Variants in MAGI1 observed in about 807,000 individuals in gnomAD.
MAGI1 encodes membrane associated guanylate kinase, WW and PDZ domain containing 1, also known as membrane-associated guanylate kinase, WW and PDZ domain-containing protein 1.
A neutral mutation model predicts 139.9 loss-of-function variants in MAGI1; 58 were observed. The observed-to-expected ratio is 0.41, with a 90% CI of 0.34 to 0.52. The LOEUF is 0.52. Among genes scored for constraint, MAGI1 ranks in the 20% least tolerant of loss-of-function variants. MAGI1 has a pLI of 0.12. For synonymous variants in MAGI1, 812 were observed against 737.9 expected, an observed-to-expected ratio of 1.10 and a Z score of -1.63; for missense variants, 1,874 against 1,901.6, an observed-to-expected ratio of 0.99 and a Z score of 0.27.
chr3:65,893,119 C>T (rs1041693388), intron 1 of MAGI1, among the ~76,000 whole-genome samples: 12 of 152,154 alleles, frequency 7.9e-5, no homozygotes, highest in Non-Finnish European at 1.8e-4. Flanking sequence ...TGGTAAAAGG[C>T]TACAGTGCAG....
intron 12 of MAGI1, among the ~76,000 whole-genome samples, chr3:65,425,125 A>C (rs910114000): frequency 1.2e-4 from 7 of 56,972 alleles, no homozygotes; most frequent in Admixed American, 7.0e-4. Flanking sequence ...AAAAAAAAAA[A>C]AAAAAAACAA....
intron 1 of MAGI1, among the ~76,000 whole-genome samples, chr3:65,697,132 G>T (rs1576780369): frequency 6.6e-6 from 1 of 152,060 alleles, no homozygotes; most frequent in Non-Finnish European, 1.5e-5. Context: ...AGAAGAAATG[G>T]ATAAATTCCT....
chr3:65,500,830 G>A (rs1035766897), intron 2 of MAGI1, among the ~76,000 whole-genome samples: 7 of 152,192 alleles, frequency 4.6e-5, no homozygotes, highest in African/African-American at 1.7e-4. Flanking sequence ...GGTCCTGCTT[G>A]TCAAAATCTA....
At chr3:65,545,909 T>A (rs2079475013) in intron 2 of MAGI1, among the ~76,000 whole-genome samples, 1 of 151,564 alleles carries the variant, frequency 6.6e-6, no homozygotes, top group African/African-American at 2.4e-5. Context: ...AAGACCAAAC[T>A]CAGGGGAACC....
intron 1 of MAGI1, among the ~76,000 whole-genome samples, chr3:65,775,463 A>AATT (rs1553705202): frequency 8.9e-6 from 1 of 112,890 alleles, no homozygotes; most frequent in Non-Finnish European, 1.7e-5. Flanking sequence ...AAAAAAAAAA[A>AATT]TTTTTTTAAG....
intron 1 of MAGI1, among the ~76,000 whole-genome samples, chr3:65,628,312 C>G (rs758711920): frequency 3.3e-5 from 5 of 152,034 alleles, no homozygotes; most frequent in Non-Finnish European, 7.4e-5. Flanking sequence ...TCGGAGGACT[C>G]GTTATATAGT....
Position 65,484,214 on chromosome 3 carries a change from A to T in MAGI1, c.551-5416T>A, listed in dbSNP as rs114968935. Among the ~76,000 whole-genome samples the T allele has an allele frequency of 3.1e-3, 479 of 152,326 alleles. 4 individuals are homozygous for T. The highest frequency in any genetic ancestry group is 4.4e-3 in the Non-Finnish European group (299 of 68,036). On this transcript the variant is annotated intron_variant, in intron 3 of 22. Coordinates refer to ENST00000402939, the MANE Select transcript of MAGI1 (RefSeq NM_001033057.2). ...TTTGTGTAGCAAAGCCATTTGGGAC[A>T]GAGAAAATCATTCCTCTTTTGCAGA...
chr3:65,670,078 G>A (rs142895666), intron 1 of MAGI1, among the ~76,000 whole-genome samples: 2 of 152,162 alleles, frequency 1.3e-5, no homozygotes, highest in African/African-American at 4.8e-5. Flanking sequence ...TTTGATATTT[G>A]TTCTTGTTTC....
At chr3:66,024,259 CT>C (rs1158524266) in intron 1 of MAGI1, among the ~76,000 whole-genome samples, 1 of 148,058 alleles carries the variant, frequency 6.8e-6, no homozygotes, top group Admixed American at 6.8e-5. Context: ...TTGGTTCACC[CT>C]TTTTTTAAAA....
chr3:65,371,889 T>C (rs1942038163), intron 18 of MAGI1: 1 of 446,360 alleles, frequency 2.2e-6, no homozygotes, highest in Non-Finnish European at 4.5e-6. Context: ...CCACTTCCAA[T>C]TCTACTTCTC....
rs377571342 is a variant in MAGI1 at position 65,873,104 on chromosome 3, T to C, written c.313+164892A>G. 10 of 152,310 alleles carry C rather than the reference T, an allele frequency of 6.6e-5. No homozygotes were observed. In the East Asian group the frequency reaches 1.4e-3, roughly 21 times the overall value. 9.4% of individuals were successfully genotyped at this position (152,310 alleles called of 1,614,324 possible). A position where few individuals can be genotyped will look rare whatever the true frequency, so the allele number is the denominator to read the frequency against. On this transcript the variant is annotated intron_variant, in intron 1 of 22. Transcript: ENST00000402939. The stretch of plus-strand genomic sequence containing the variant: ...AGGTAATAAAAATAATCAGAATCCA[T>C]TTCACTGCAGAAGTTTCCAAGGTTC...
chr3:65,844,023 C>A, intron 1 of MAGI1: 1 of 353,882 alleles, frequency 2.8e-6, no homozygotes, highest in South Asian at 2.4e-5. Context: ...ATGAAAGCCA[C>A]CAAGTATCTA....
chr3:65,612,313 C>T (rs1576478734), intron 2 of MAGI1, among the ~76,000 whole-genome samples: 1 of 151,996 alleles, frequency 6.6e-6, no homozygotes, highest in Non-Finnish European at 1.5e-5. Context: ...TGGTTACTAA[C>T]GTTTTAACCT....
chr3:65,726,676 G>A (rs1290814217), intron 1 of MAGI1, among the ~76,000 whole-genome samples: 1 of 152,088 alleles, frequency 6.6e-6, no homozygotes, highest in East Asian at 1.9e-4. Context: ...CCATCCACAA[G>A]TGTGCTATAA....
At chr3:65,436,691 T>A (rs1947880316) in intron 10 of MAGI1, among the ~76,000 whole-genome samples, 1 of 152,130 alleles carries the variant, frequency 6.6e-6, no homozygotes, top group Admixed American at 6.6e-5. Flanking sequence ...ATATCTGTGG[T>A]CTCTAAGTCA....
chr3:65,768,842 T>A (rs1289301384), intron 1 of MAGI1, among the ~76,000 whole-genome samples: 2 of 152,140 alleles, frequency 1.3e-5, no homozygotes, highest in Non-Finnish European at 2.9e-5. Context: ...ATGTGAAAAA[T>A]GTGTTTAAGA....
Position 65,909,818 on chromosome 3 carries a change from C to T in MAGI1, c.313+128178G>A, listed in dbSNP as rs376622724. On this transcript the variant is annotated intron_variant, in intron 1 of 22. Transcript: ENST00000402939. ...CAGATAGTATCTACACCAGCGATCA[C>T]TAACCTTTTTGGCACCATGGACCGG... Among the ~76,000 whole-genome samples the T allele has an allele frequency of 5.9e-5, 9 of 152,302 alleles. 1 individual carries two copies. Among genetic ancestry groups the T allele is most frequent in the African/African-American group, 1.9e-4 (8 of 41,568 alleles).
chr3:65,563,204 T>C (rs1396623258), intron 2 of MAGI1, among the ~76,000 whole-genome samples: 2 of 152,204 alleles, frequency 1.3e-5, no homozygotes, highest in Non-Finnish European at 2.9e-5. Flanking sequence ...TTACATTTCA[T>C]TGGTTTATAT....
At chr3:65,731,866 C>T (rs1472409323) in intron 1 of MAGI1, among the ~76,000 whole-genome samples, 1 of 152,012 alleles carries the variant, frequency 6.6e-6, no homozygotes, top group Non-Finnish European at 1.5e-5. Context: ...GGTGTAATCT[C>T]CATTCTTGCT....
Sources: allele counts gnomAD v4.1 joint callset (sites outside exome capture counted in the v4.1 genomes callset), GRCh38; gene constraint gnomAD v4.1.1; transcripts MANE v1.5; gene names NCBI Gene and HGNC (gene_info 2026-07-23, HGNC 2026-07-21).